VWA8: variants seen among roughly 807,000 people sequenced by gnomAD.
VWA8 encodes the protein von Willebrand factor A domain-containing protein 8.
A neutral mutation model predicts 241.5 loss-of-function variants in VWA8; 221 were observed. The observed-to-expected ratio is 0.91, with a 90% CI of 0.82 to 1.02. VWA8 has a LOEUF of 1.02. VWA8 is among the 50% of genes least tolerant of loss of function. VWA8 has a pLI of 0.00. For missense variants in VWA8, 2,322 were observed against 2,328.7 expected (o/e 1.00, Z 0.06); for synonymous variants, 852 against 827.1 (o/e 1.03, Z -0.52).
intron 26 of VWA8, among the ~76,000 whole-genome samples, chr13:41,712,999 C>G (rs958313599): frequency 6.6e-6 from 1 of 152,198 alleles, no homozygotes; most frequent in Non-Finnish European, 1.5e-5. Context: ...AATGCATAAA[C>G]TTACTTATGC....
At chr13:41,675,160 A>G in intron 36 of VWA8, 55 bp downstream of exon 36, 1 of 1,336,804 alleles carries the variant, frequency 7.5e-7, no homozygotes, top group Non-Finnish European at 1.1e-6. Flanking sequence ...ACTTAGCAAG[A>G]ATTTACTCAT....
intron 17 of VWA8, among the ~76,000 whole-genome samples, chr13:41,792,163 T>A (rs574344832): frequency 2.6e-5 from 4 of 151,966 alleles, no homozygotes; most frequent in Non-Finnish European, 5.9e-5. Flanking sequence ...TATCTATTCA[T>A]TCTTTGCCCA....
At chr13:41,710,260 C>T (rs2045308054) in intron 26 of VWA8, among the ~76,000 whole-genome samples, 1 of 152,116 alleles carries the variant, frequency 6.6e-6, no homozygotes, top group Non-Finnish European at 1.5e-5. Context: ...TATTTAGAAA[C>T]GATAGCTACA....
At chr13:41,923,854 C>T (rs1007786607) in intron 2 of VWA8, among the ~76,000 whole-genome samples, 11 of 151,980 alleles carry the variant, frequency 7.2e-5, no homozygotes, top group Admixed American at 3.9e-4. Context: ...CTCCAACGTG[C>T]CCAACCAATA....
At chr13:41,826,872 T>C (rs1039818529) in intron 14 of VWA8, among the ~76,000 whole-genome samples, 8 of 151,052 alleles carry the variant, frequency 5.3e-5, no homozygotes, top group African/African-American at 1.7e-4. Context: ...AGACCCTATC[T>C]CAAAAAAAGA....
intron 26 of VWA8, among the ~76,000 whole-genome samples, chr13:41,711,974 T>A (rs1355955986): frequency 6.6e-6 from 1 of 151,972 alleles, no homozygotes; most frequent in Admixed American, 6.6e-5. Flanking sequence ...AGCAAATCCT[T>A]ATTGCAGGAG....
At chr13:41,728,830 A>G (rs1391526648) in intron 23 of VWA8, among the ~76,000 whole-genome samples, 1 of 152,026 alleles carries the variant, frequency 6.6e-6, no homozygotes, top group Non-Finnish European at 1.5e-5. Context: ...CTCTTTGAAT[A>G]TTGAAGATTT....
intron 12 of VWA8, among the ~76,000 whole-genome samples, chr13:41,834,516 T>C (rs536416273): frequency 6.6e-6 from 1 of 152,352 alleles, no homozygotes; most frequent in Admixed American, 6.5e-5. Flanking sequence ...TAAGTCTTAA[T>C]TGTTTCAATC....
In VWA8 at chr13:41,689,425, C is replaced by A. The variant is rs767099102; in HGVS notation, c.4060G>T (p.Ala1354Ser). The A allele has an allele frequency of 9.3e-6, 15 of 1,612,046 alleles. No homozygotes were observed. The highest frequency in any genetic ancestry group is 1.3e-5 in the Non-Finnish European group (15 of 1,179,148). ...HLSSAVEQKI[A>S]SPNRILSDEK... ...TCTGAGAGAATTCTGTTGGGAGAGG[C>A]AATCTTTTGTTCCACAGCTGAACTT... is the stretch of plus-strand genomic sequence containing the variant. The change falls in exon 34 of 45, where the codon GCC becomes TCC. Residue 1354 changes from alanine (A) to serine (S), a missense_variant. Ala to Ser is a moderately conservative substitution (Grantham distance 99). Transcript: ENST00000379310.
intron 21 of VWA8, among the ~76,000 whole-genome samples, chr13:41,744,929 C>G (rs1357812486): frequency 1.3e-5 from 2 of 152,084 alleles, no homozygotes; most frequent in Admixed American, 1.3e-4. Context: ...GCTCCACCTC[C>G]TGGGTTCACG....
At chr13:41,708,929 C>T (rs1263845337) in intron 26 of VWA8, among the ~76,000 whole-genome samples, 1 of 152,138 alleles carries the variant, frequency 6.6e-6, no homozygotes, top group African/African-American at 2.4e-5. Context: ...GTTTCCTTTC[C>T]TTCATCTTTC....
intron 21 of VWA8, among the ~76,000 whole-genome samples, chr13:41,748,287 G>A (rs922829943): frequency 6.6e-6 from 1 of 152,144 alleles, no homozygotes; most frequent in African/African-American, 2.4e-5. Flanking sequence ...CCTGTTATTG[G>A]TCTATTCAGA....
intron 37 of VWA8, among the ~76,000 whole-genome samples, chr13:41,654,773 A>G (rs61964861): frequency 6.6e-6 from 1 of 152,206 alleles, no homozygotes; most frequent in Non-Finnish European, 1.5e-5. Context: ...CTAAAAACAG[A>G]AAACATCAGA....
At chr13:41,837,359 C>T (rs1397299425) in intron 12 of VWA8, among the ~76,000 whole-genome samples, 3 of 152,186 alleles carry the variant, frequency 2.0e-5, no homozygotes, top group African/African-American at 4.8e-5. Context: ...ATAGTTGGCC[C>T]TACTTTCCCC....
intron 19 of VWA8, among the ~76,000 whole-genome samples, chr13:41,780,777 T>C (rs966554748): frequency 3.3e-5 from 5 of 152,210 alleles, no homozygotes; most frequent in Admixed American, 1.3e-4. Flanking sequence ...ATTGCTTACA[T>C]TCTTGATCTA....
chr13:41,894,984 G>A (rs1875027822), intron 4 of VWA8, among the ~76,000 whole-genome samples: 1 of 152,006 alleles, frequency 6.6e-6, no homozygotes, highest in Non-Finnish European at 1.5e-5. Flanking sequence ...GGGACCGTGT[G>A]GGAGATAACA....
intron 19 of VWA8, among the ~76,000 whole-genome samples, chr13:41,780,118 G>A (rs1868819324): frequency 6.6e-6 from 1 of 152,046 alleles, no homozygotes; most frequent in Non-Finnish European, 1.5e-5. Context: ...TCATGGTATG[G>A]GGCAGGTTGT....
intron 37 of VWA8, among the ~76,000 whole-genome samples, chr13:41,647,900 A>G (rs1362203318): frequency 6.6e-6 from 1 of 152,128 alleles, no homozygotes; most frequent in Non-Finnish European, 1.5e-5. Context: ...GAAGCAGGAG[A>G]ATCGCCTAAA....
intron 15 of VWA8, among the ~76,000 whole-genome samples, chr13:41,818,508 C>G (rs1415942631): frequency 6.6e-6 from 1 of 151,696 alleles, no homozygotes; most frequent in African/African-American, 2.4e-5. Flanking sequence ...GCAGAAGTTT[C>G]AGTGAGCCGA....
Sources: allele counts gnomAD v4.1 joint callset (sites outside exome capture counted in the v4.1 genomes callset), GRCh38; gene constraint gnomAD v4.1.1; transcripts MANE v1.5; gene names NCBI Gene and HGNC (gene_info 2026-07-23, HGNC 2026-07-21).